Variants in ALDH1A2 observed in about 807,000 individuals in gnomAD.
ALDH1A2 encodes the protein retinal dehydrogenase 2.
In ALDH1A2, 27 loss-of-function variants were observed where a neutral mutation model predicts 60.3. The ratio of observed to expected loss-of-function variants is 0.45; its 90% CI spans 0.33 to 0.62. ALDH1A2 has a LOEUF of 0.62. Among genes scored for constraint, ALDH1A2 ranks in the 20% least tolerant of loss-of-function variants. ALDH1A2 has a pLI of 0.02. For missense variants in ALDH1A2, 581 were observed against 643.8 expected (o/e 0.90, Z 1.06); for synonymous variants, 289 against 232.4 (o/e 1.24, Z -2.21).
intron 4 of ALDH1A2, among the ~76,000 whole-genome samples, chr15:58,000,249 G>T (rs576853901): frequency 1.3e-5 from 2 of 151,990 alleles, no homozygotes; most frequent in South Asian, 2.1e-4. Flanking sequence ...GCATTTTCAC[G>T]TGGATGGTGA....
chr15:58,040,362 T>C (rs1171926382), intron 1 of ALDH1A2, among the ~76,000 whole-genome samples: 1 of 151,922 alleles, frequency 6.6e-6, no homozygotes, highest in East Asian at 1.9e-4. Context: ...TAAAACAACC[T>C]GCAGACAGAT....
rs1331946971 is a variant in ALDH1A2, at chr15:58,010,745, G to T, written c.397C>A (p.Leu133Met). 1 of 1,613,398 alleles carries T rather than the reference G, an allele frequency of 6.2e-7. No homozygotes were observed. The highest frequency in any genetic ancestry group is 8.5e-7 in the Non-Finnish European group (1 of 1,179,542). The part of the protein sequence containing the change: ...MESLNGGKPF[L>M]QAFYVDLQGV... ...TGCAAATCCACATAAAAAGCTTGCA[G>T]GAATGGTTTGCCACCATTTAGGGAT... The change falls in exon 4 of 13, where the codon CTG becomes ATG. Residue 133 changes from leucine to methionine, a missense_variant. Transcript: ENST00000249750.
At chr15:57,970,570 C>T (rs998756514) in intron 7 of ALDH1A2, among the ~76,000 whole-genome samples, 1 of 152,192 alleles carries the variant, frequency 6.6e-6, no homozygotes, top group African/African-American at 2.4e-5. Flanking sequence ...AAAAGGAACA[C>T]AAAAGGCTTT....
At chr15:57,965,879 T>C in intron 7 of ALDH1A2, 52 bp from the exon 8 acceptor site, 1 of 1,439,374 alleles carries the variant, frequency 6.9e-7, no homozygotes, top group Non-Finnish European at 9.8e-7. Context: ...GGTGAGACAG[T>C]CACCGGCCAA....
intron 4 of ALDH1A2, among the ~76,000 whole-genome samples, chr15:58,002,174 A>T (rs1895297213): frequency 6.6e-6 from 1 of 151,944 alleles, no homozygotes; most frequent in African/African-American, 2.4e-5. Context: ...ACAATTAAAT[A>T]CTTCATTATG....
chr15:57,959,977 G>A (rs1338197494), intron 12 of ALDH1A2, among the ~76,000 whole-genome samples: 1 of 152,080 alleles, frequency 6.6e-6, no homozygotes, highest in African/African-American at 2.4e-5. Context: ...CGACAAACTT[G>A]AAAATATATT....
chr15:58,045,106 C>T (rs1257420068), intron 1 of ALDH1A2, among the ~76,000 whole-genome samples: 7 of 151,962 alleles, frequency 4.6e-5, no homozygotes, highest in East Asian at 1.9e-4. Context: ...AGAGACTTCT[C>T]GAAAGAAGAC....
intron 4 of ALDH1A2, among the ~76,000 whole-genome samples, chr15:58,000,990 A>C (rs1895247381): frequency 6.8e-6 from 1 of 147,552 alleles, no homozygotes; most frequent in South Asian, 2.2e-4. Context: ...AGGAGTATAT[A>C]GTGTAGGAGA....
chr15:57,980,373 TGAAGTTGG>T lies in ALDH1A2; in HGVS notation c.798+12324_798+12331del, dbSNP rs1894451698. On this transcript the variant is annotated intron_variant, in intron 7 of 12. Coordinates refer to ENST00000249750, the MANE Select transcript of ALDH1A2 (RefSeq NM_003888.4). ...ATGTCATAGCTGACTACAGCCTTGA[TGAAGTTGG>T]AGAGGTTTTCCAGCTGGTGCCACTT... 1.1e-5 allele frequency: 4 copies of T among 376,098 alleles called. 1 individual carries two copies. Among genetic ancestry groups the T allele is most frequent in the South Asian group, 1.0e-4 (4 of 39,360 alleles). 23.3% of individuals were successfully genotyped at this position (376,098 alleles called of 1,614,324 possible). A position where few individuals can be genotyped will look rare whatever the true frequency, so the allele number is the denominator to read the frequency against.
intron 1 of ALDH1A2, among the ~76,000 whole-genome samples, chr15:58,021,291 T>A (rs908026309): frequency 6.6e-6 from 1 of 152,174 alleles, no homozygotes; most frequent in East Asian, 1.9e-4. Flanking sequence ...CAGAACAGTA[T>A]ATAGACAGTC....
At chr15:57,971,585 G>A (rs1438077397) in intron 7 of ALDH1A2, among the ~76,000 whole-genome samples, 2 of 151,540 alleles carry the variant, frequency 1.3e-5, no homozygotes, top group Non-Finnish European at 2.9e-5. Flanking sequence ...ATCATGCCTG[G>A]CTAATTAAAA....
At chr15:58,016,056 C>A (rs2642632) in intron 1 of ALDH1A2, among the ~76,000 whole-genome samples, 94,013 of 151,888 alleles carry the variant, frequency 0.62, 31,104 homozygotes, top group African/African-American at 0.85. Context: ...TGGTCTTACC[C>A]ATGTCCCTAT....
chr15:58,010,564 T>C lies in ALDH1A2; in HGVS notation c.493+85A>G, dbSNP rs532448119. On this transcript the variant is annotated intron_variant, in intron 4 of 12. Coordinates refer to ENST00000249750, the MANE Select transcript of ALDH1A2 (RefSeq NM_003888.4). ...TAAGTGTGCTCATATCTGTATTCTGTGTGACTGCTGTTTGTGTTTGGTGGC... is the reference window on the plus strand; with the variant it reads ...TAAGTGTGCTCATATCTGTATTCTGCGTGACTGCTGTTTGTGTTTGGTGGC... 8 of 1,563,748 alleles carry C rather than the reference T, an allele frequency of 5.1e-6. No individual in the cohort carries two copies. The Admixed American group carries it at 1.4e-4, about 27-fold the overall frequency.
At chr15:57,993,741 T>G (rs377131332) in intron 5 of ALDH1A2, among the ~76,000 whole-genome samples, 62 of 152,312 alleles carry the variant, frequency 4.1e-4, no homozygotes, top group African/African-American at 1.4e-3. Context: ...ATATTAAGCT[T>G]GTATTGTCAT....
intron 1 of ALDH1A2, among the ~76,000 whole-genome samples, chr15:58,055,701 G>A (rs1226460355): frequency 6.6e-6 from 1 of 152,020 alleles, no homozygotes. Context: ...AGATACACAT[G>A]TATGAACCAA....
chr15:57,980,335 G>A (rs1894449773), intron 7 of ALDH1A2: 1 of 424,784 alleles, frequency 2.4e-6, no homozygotes, highest in Non-Finnish European at 4.8e-6. Context: ...CCTTGAACAG[G>A]TCCATGGGGT....
intron 12 of ALDH1A2, among the ~76,000 whole-genome samples, chr15:57,957,578 A>T (rs1447441434): frequency 1.3e-5 from 2 of 152,210 alleles, no homozygotes; most frequent in Non-Finnish European, 2.9e-5. Context: ...AGGTATGCAT[A>T]TCATTACTGA....
chr15:57,980,292 G>A, intron 7 of ALDH1A2: 2 of 406,310 alleles, frequency 4.9e-6, no homozygotes, highest in Non-Finnish European at 1.0e-5. Context: ...ACCTGCATGT[G>A]CCTCATGTTC....
chr15:57,992,401 G>C (rs1049409986), intron 7 of ALDH1A2, among the ~76,000 whole-genome samples: 1 of 152,172 alleles, frequency 6.6e-6, no homozygotes, highest in Non-Finnish European at 1.5e-5. Context: ...GACTAGTTTA[G>C]ATTTCCAGCT....
Sources: gnomAD v4.1 joint callset for allele counts (sites outside exome capture counted in the v4.1 genomes callset) on GRCh38, gnomAD v4.1.1 for gene constraint, MANE v1.5 for transcripts, NCBI Gene and HGNC (gene_info 2026-07-23, HGNC 2026-07-21) for gene names.